ITPR2: variants seen among roughly 807,000 people sequenced by gnomAD.
The protein encoded by ITPR2 is inositol 1,4,5-trisphosphate-gated calcium channel ITPR2.
Under a neutral mutation model 317.1 loss-of-function variants are expected in ITPR2, and 207 were observed. That is an observed-to-expected ratio of 0.65 (90% CI 0.58 to 0.73). The LOEUF is 0.73. Among genes scored for constraint, ITPR2 ranks in the 30% least tolerant of loss-of-function variants. ITPR2 has a pLI of 0.00. For synonymous variants in ITPR2, 1,156 were observed against 1,149.1 expected (o/e 1.01, Z -0.12); for missense variants, 2,613 against 3,284.0 (o/e 0.80, Z 4.99).
intron 13 of ITPR2, among the ~76,000 whole-genome samples, chr12:26,670,645 C>A (rs1191455706): frequency 6.6e-6 from 1 of 152,174 alleles, no homozygotes; most frequent in Non-Finnish European, 1.5e-5. Flanking sequence ...CAGAGCACCT[C>A]TCCTCCTCCA....
In ITPR2 at chr12:26,560,701, A is replaced by G. The variant is rs568413717; in HGVS notation, c.4821+1061T>C. ...TCTCTTTTAGATAACCCTATCCTAC[A>G]AATCAAGAACCACTTATAATGGCAT... On this transcript the variant is annotated intron_variant, in intron 35 of 56. Coordinates refer to ENST00000381340, the MANE Select transcript of ITPR2 (RefSeq NM_002223.4). Among the ~76,000 whole-genome samples the G allele has an allele frequency of 2.6e-3, 393 of 152,320 alleles. 1 individual carries two copies. The highest frequency in any genetic ancestry group is 4.7e-3 in the Non-Finnish European group (317 of 68,022).
intron 37 of ITPR2, among the ~76,000 whole-genome samples, chr12:26,495,976 T>C (rs2136876131): frequency 6.6e-6 from 1 of 152,328 alleles, no homozygotes; most frequent in Admixed American, 6.5e-5. Flanking sequence ...AATCCAAAAC[T>C]TCCTAAGTCT....
At chr12:26,734,477 A>G (rs892194630) in intron 2 of ITPR2, among the ~76,000 whole-genome samples, 1 of 152,234 alleles carries the variant, frequency 6.6e-6, no homozygotes, top group Non-Finnish European at 1.5e-5. Flanking sequence ...AAGCCAGAGA[A>G]GTTCACGGCT....
intron 2 of ITPR2, among the ~76,000 whole-genome samples, chr12:26,766,978 C>A (rs1448735953): frequency 6.6e-6 from 1 of 152,102 alleles, no homozygotes; most frequent in East Asian, 1.9e-4. Flanking sequence ...TATAATACAT[C>A]ATACATACTT....
intron 35 of ITPR2, among the ~76,000 whole-genome samples, chr12:26,559,049 C>A (rs1342964743): frequency 1.3e-5 from 2 of 152,158 alleles, no homozygotes; most frequent in Non-Finnish European, 2.9e-5. Flanking sequence ...TAAATACATA[C>A]AAAATTAATA....
chr12:26,820,839 C>T (rs757531167), intron 1 of ITPR2, among the ~76,000 whole-genome samples: 3 of 152,060 alleles, frequency 2.0e-5, no homozygotes, highest in Non-Finnish European at 2.9e-5. Flanking sequence ...ATGGATGAAC[C>T]TTGAAAACAT....
intron 36 of ITPR2, among the ~76,000 whole-genome samples, chr12:26,550,968 T>G (rs1219519577): frequency 6.6e-6 from 1 of 152,164 alleles, no homozygotes; most frequent in South Asian, 2.1e-4. Flanking sequence ...AAAACTCCAA[T>G]CAATTTTCAT....
intron 9 of ITPR2, among the ~76,000 whole-genome samples, chr12:26,699,431 TC>T (rs1282771572): frequency 1.3e-5 from 2 of 152,164 alleles, no homozygotes; most frequent in African/African-American, 4.8e-5. Flanking sequence ...GAACTCAGTG[TC>T]CTCATCTGCA....
At position 26,503,190 on chromosome 12, in the gene ITPR2, A is replaced by AAC. The variant is rs57271500; in HGVS notation, c.5074-7932_5074-7931dup. ...GGTAGAAGACCCACTGCCCCCCACC[A>AAC]ACACACACACACACACACACACACA... On this transcript the variant is annotated intron_variant, in intron 37 of 56. Coordinates refer to ENST00000381340, the MANE Select transcript of ITPR2 (RefSeq NM_002223.4). Among the ~76,000 whole-genome samples the AAC allele has an allele frequency of 3.8e-3, 532 of 139,210 alleles. 6 individuals are homozygous for AAC. Among genetic ancestry groups the AAC allele is most frequent in the African/African-American group, 0.012 (451 of 37,236 alleles). 91.3% of individuals were successfully genotyped at this position (139,210 alleles called of 152,430 possible). A position where few individuals can be genotyped will look rare whatever the true frequency, so the allele number is the denominator to read the frequency against.
At chr12:26,510,166 A>T (rs1188494374) in intron 37 of ITPR2, among the ~76,000 whole-genome samples, 1 of 152,162 alleles carries the variant, frequency 6.6e-6, no homozygotes, top group Admixed American at 6.5e-5. Context: ...CTTTTACAGG[A>T]ACTAACCATA....
chr12:26,447,329 A>C (rs1941631371), intron 45 of ITPR2, among the ~76,000 whole-genome samples: 2 of 152,114 alleles, frequency 1.3e-5, no homozygotes, highest in Admixed American at 6.6e-5. Flanking sequence ...GTATTTGTAG[A>C]AAGAAAATAT....
At chr12:26,482,677 GA>G (rs969221121) in intron 42 of ITPR2, among the ~76,000 whole-genome samples, 49 of 152,142 alleles carry the variant, frequency 3.2e-4, no homozygotes, top group Admixed American at 2.7e-3. Flanking sequence ...TACAGAAAGG[GA>G]AAATACCCCC....
intron 13 of ITPR2, 91 bp from the exon 14 acceptor site, chr12:26,666,142 A>ATAGG: frequency 2.6e-6 from 1 of 384,308 alleles, no homozygotes; most frequent in Non-Finnish European, 4.1e-6. Context: ...GTAGAGATAG[A>ATAGG]TAGATAGATA....
At chr12:26,433,183 C>T (rs181529942) in intron 48 of ITPR2, among the ~76,000 whole-genome samples, 2 of 152,260 alleles carry the variant, frequency 1.3e-5, no homozygotes, top group East Asian at 3.9e-4. Flanking sequence ...CCAGACATAA[C>T]CTTGGGGTTT....
chr12:26,579,602 T>C (rs180915188), intron 33 of ITPR2, among the ~76,000 whole-genome samples: 15 of 152,256 alleles, frequency 9.9e-5, no homozygotes, highest in Admixed American at 2.0e-4. Flanking sequence ...TTTATTTAGC[T>C]TTTCCTCCTT....
chr12:26,413,342 T>G (rs1298677275), intron 51 of ITPR2, among the ~76,000 whole-genome samples: 4 of 152,232 alleles, frequency 2.6e-5, no homozygotes, highest in Non-Finnish European at 4.4e-5. Context: ...TCCCACCAAC[T>G]GATTTTCTGA....
intron 9 of ITPR2, among the ~76,000 whole-genome samples, chr12:26,710,394 A>G (rs1269896931): frequency 6.6e-6 from 1 of 152,180 alleles, no homozygotes. Flanking sequence ...TAATTTGCCC[A>G]ATATGTCTCC....
In ITPR2 at chr12:26,595,513, A is replaced by G; in HGVS notation, c.4332T>C (p.Ser1444=). The change falls in exon 32 of 57, where the codon AGT becomes AGC. Residue 1444 remains serine, a synonymous_variant. Transcript: ENST00000381340. The stretch of plus-strand genomic sequence containing the variant: ...TCTCAAATAATTTCCAAATGTGGTT[A>G]CTTGTATAGATTTCTTTCATTTCCA... ...TEVEMKEIYT[S]NHIWKLFENF... is the part of the protein sequence containing the mutation. The G allele has an allele frequency of 6.2e-7, 1 of 1,606,890 alleles. No individual in the cohort carries two copies. Among genetic ancestry groups the G allele is most frequent in the Non-Finnish European group, 8.5e-7 (1 of 1,177,908 alleles).
intron 49 of ITPR2, among the ~76,000 whole-genome samples, chr12:26,420,220 G>T (rs1355659929): frequency 2.6e-5 from 4 of 152,084 alleles, no homozygotes; most frequent in Non-Finnish European, 5.9e-5. Flanking sequence ...AGTCATCAAG[G>T]AAAGAATTAC....
Sources: allele counts gnomAD v4.1 joint callset (sites outside exome capture counted in the v4.1 genomes callset), GRCh38; gene constraint gnomAD v4.1.1; transcripts MANE v1.5; gene names NCBI Gene and HGNC (gene_info 2026-07-23, HGNC 2026-07-21).